Variants in RAB27B observed in about 807,000 individuals in gnomAD.
RAB27B encodes ras-related protein Rab-27B.
A neutral mutation model predicts 24.6 loss-of-function variants in RAB27B; 15 were observed. That is an observed-to-expected ratio of 0.61 (90% CI 0.41 to 0.94). The LOEUF (loss-of-function observed/expected upper bound fraction) is 0.94, where lower values mean the gene tolerates loss of function less well. RAB27B is among the 40% of genes least tolerant of loss of function. The pLI is 0.00. For synonymous variants in RAB27B, 105 were observed against 92.5 expected, an observed-to-expected ratio of 1.14 and a Z score of -0.78; for missense variants, 261 against 266.8, an observed-to-expected ratio of 0.98 and a Z score of 0.15.
chr18:54,754,196 C>T (rs1477014740), intron 2 of RAB27B, among the ~76,000 whole-genome samples: 2 of 152,112 alleles, frequency 1.3e-5, no homozygotes, highest in East Asian at 3.9e-4. Context: ...AGCGAGTTCT[C>T]ATGAGATCTG....
At chr18:54,869,502 C>G (rs576198444) in intron 1 of RAB27B, among the ~76,000 whole-genome samples, 1 of 152,238 alleles carries the variant, frequency 6.6e-6, no homozygotes, top group African/African-American at 2.4e-5. Context: ...TAGAAATTGA[C>G]CCCACAGCAC....
chr18:54,724,965 G>A (rs1016041431), intron 2 of RAB27B, among the ~76,000 whole-genome samples: 2 of 151,532 alleles, frequency 1.3e-5, no homozygotes, highest in Non-Finnish European at 2.9e-5. Context: ...AGAGGAATGA[G>A]ACTTGTACTT....
intron 2 of RAB27B, among the ~76,000 whole-genome samples, chr18:54,746,944 G>C (rs572242316): frequency 2.6e-5 from 4 of 152,020 alleles, no homozygotes; most frequent in Non-Finnish European, 5.9e-5. Context: ...CTGGCTTAGG[G>C]GCTATGATGA....
At chr18:54,721,766 T>C (rs1470539025) in intron 2 of RAB27B, among the ~76,000 whole-genome samples, 3 of 152,176 alleles carry the variant, frequency 2.0e-5, no homozygotes, top group Non-Finnish European at 4.4e-5. Flanking sequence ...GAGTGCTAAC[T>C]GGAAAATTAA....
intron 2 of RAB27B, among the ~76,000 whole-genome samples, chr18:54,722,898 T>G (rs1909404894): frequency 6.6e-6 from 1 of 152,202 alleles, no homozygotes; most frequent in Admixed American, 6.5e-5. Context: ...AAAACCTTCC[T>G]CCTGGAGTCT....
chr18:54,751,319 AC>A (rs1484612794), intron 2 of RAB27B, among the ~76,000 whole-genome samples: 2 of 152,058 alleles, frequency 1.3e-5, no homozygotes, highest in Non-Finnish European at 2.9e-5. Context: ...CAAGAAAGAC[AC>A]CCCAAGTTCT....
At chr18:54,776,873 C>T (rs552716635) in intron 2 of RAB27B, among the ~76,000 whole-genome samples, 1 of 151,948 alleles carries the variant, frequency 6.6e-6, no homozygotes, top group Non-Finnish European at 1.5e-5. Flanking sequence ...GGCGAAACAC[C>T]GTCTCTACTA....
At chr18:54,849,575 G>A (rs1911474651) in intron 1 of RAB27B, among the ~76,000 whole-genome samples, 1 of 152,098 alleles carries the variant, frequency 6.6e-6, no homozygotes, top group Non-Finnish European at 1.5e-5. Flanking sequence ...ATAAAAATTA[G>A]CCAGACGTGG....
In RAB27B at chr18:54,787,767, A is replaced by C. The variant is rs558983368; in HGVS notation, c.-20+69626A>C. On this transcript the variant is annotated intron_variant, in intron 2 of 4. Coordinates refer to the RAB27B transcript ENST00000586570. ...AACCTTCTCTAACTTGCCAATCACT[A>C]GTGAGATGGTCCAATGAGGTTTATG... is the stretch of plus-strand genomic sequence containing the variant. Among the ~76,000 whole-genome samples the C allele has an allele frequency of 7.8e-4, 118 of 151,876 alleles. 1 individual carries two copies. In the South Asian group the frequency reaches 0.02, roughly 26 times the overall value.
chr18:54,853,762 C>T (rs1240124143), intron 1 of RAB27B, among the ~76,000 whole-genome samples: 1 of 152,106 alleles, frequency 6.6e-6, no homozygotes, highest in African/African-American at 2.4e-5. Context: ...CTGTTATAAG[C>T]TTGGAATGAT....
intron 2 of RAB27B, among the ~76,000 whole-genome samples, chr18:54,765,599 A>T (rs896696627): frequency 2.0e-5 from 3 of 152,166 alleles, no homozygotes; most frequent in Non-Finnish European, 4.4e-5. Context: ...GACACTGGAC[A>T]CTGAATTATT....
rs113423138 is a variant in RAB27B, at chr18:54,823,051, G to A, written c.-19-54516G>A. On this transcript the variant is annotated intron_variant, in intron 2 of 4. Coordinates refer to the RAB27B transcript ENST00000586570. ...AAGACCTCACCACAGAGTAGATGCAGTAGGTACAATTGTGAAAACATAGCC... is the reference window on the plus strand; with the variant it reads ...AAGACCTCACCACAGAGTAGATGCAATAGGTACAATTGTGAAAACATAGCC... 3.2e-3 allele frequency among the ~76,000 whole-genome samples: 482 copies of A among 152,348 alleles called. 2 individuals are homozygous for A. Among genetic ancestry groups the A allele is most frequent in the African/African-American group, 0.011 (468 of 41,578 alleles).
chr18:54,737,814 C>A (rs1909945085), intron 2 of RAB27B, among the ~76,000 whole-genome samples: 1 of 151,984 alleles, frequency 6.6e-6, no homozygotes, highest in African/African-American at 2.4e-5. Flanking sequence ...ATTGAAGAGG[C>A]AAGATTTTTC....
intron 2 of RAB27B, among the ~76,000 whole-genome samples, chr18:54,780,682 G>T (rs942732953): frequency 3.3e-5 from 5 of 152,154 alleles, no homozygotes; most frequent in Admixed American, 1.3e-4. Context: ...CTCCAAATAT[G>T]GTCATATTCT....
intron 1 of RAB27B, among the ~76,000 whole-genome samples, chr18:54,852,221 G>T (rs1037845869): frequency 6.6e-5 from 10 of 152,106 alleles, no homozygotes; most frequent in African/African-American, 2.4e-4. Context: ...CTCCCCACTG[G>T]CTAAGTGGTA....
At chr18:54,764,484 A>G (rs73959301) in intron 2 of RAB27B, among the ~76,000 whole-genome samples, 8,496 of 152,256 alleles carry the variant, frequency 0.056, 307 homozygotes, top group Admixed American at 0.085. Flanking sequence ...GCACAATGGG[A>G]ATGATAATAA....
chr18:54,760,183 C>A (rs1294786828), intron 2 of RAB27B, among the ~76,000 whole-genome samples: 1 of 152,146 alleles, frequency 6.6e-6, no homozygotes, highest in Non-Finnish European at 1.5e-5. Flanking sequence ...TCATCCCAGC[C>A]CCTGCACCCA....
intron 2 of RAB27B, among the ~76,000 whole-genome samples, chr18:54,760,735 TG>T (rs1908159774): frequency 6.6e-6 from 1 of 152,058 alleles, no homozygotes; most frequent in Non-Finnish European, 1.5e-5. Flanking sequence ...GAACTTTAAG[TG>T]GGCAGGATGG....
At chr18:54,864,613 A>T (rs1384913414) in intron 1 of RAB27B, among the ~76,000 whole-genome samples, 1 of 151,882 alleles carries the variant, frequency 6.6e-6, no homozygotes, top group East Asian at 1.9e-4. Context: ...TAGGTCTATG[A>T]TCCATTTAAT....
Sources: gnomAD v4.1 joint callset for allele counts (sites outside exome capture counted in the v4.1 genomes callset) on GRCh38, gnomAD v4.1.1 for gene constraint, MANE v1.5 for transcripts, NCBI Gene and HGNC (gene_info 2026-07-23, HGNC 2026-07-21) for gene names.